MLIP: variants seen among roughly 807,000 people sequenced by gnomAD.
MLIP encodes muscular LMNA-interacting protein.
Under a neutral mutation model 84.8 loss-of-function variants are expected in MLIP, and 79 were observed. That is an observed-to-expected ratio of 0.93 (90% CI 0.78 to 1.12). The LOEUF is 1.12. Among genes scored for constraint, MLIP ranks in the 50% most tolerant of loss-of-function variants. MLIP has a pLI of 0.00. For synonymous variants in MLIP, 504 were observed against 463.0 expected (o/e 1.09, Z -1.14); for missense variants, 1,257 against 1,160.6 (o/e 1.08, Z -1.21).
chr6:54,041,647 T>C (rs994312216), intron 1 of MLIP, among the ~76,000 whole-genome samples: 1 of 152,138 alleles, frequency 6.6e-6, no homozygotes, highest in African/African-American at 2.4e-5. Flanking sequence ...CATCTCATCA[T>C]GGCTTGAACT....
At chr6:54,239,734 G>T (rs893658682) in intron 12 of MLIP, among the ~76,000 whole-genome samples, 2 of 151,734 alleles carry the variant, frequency 1.3e-5, no homozygotes, top group African/African-American at 4.8e-5. Flanking sequence ...TTGCAGTGAG[G>T]CAGGATTGCA....
intron 5 of MLIP, among the ~76,000 whole-genome samples, chr6:54,159,377 T>C (rs944398070): frequency 6.6e-6 from 1 of 152,104 alleles, no homozygotes; most frequent in Non-Finnish European, 1.5e-5. Flanking sequence ...GCTTGCCTTA[T>C]TCTGCTTCTG....
At chr6:54,166,327 T>TGAAAAAGTTA (rs1390371885) in intron 8 of MLIP, among the ~76,000 whole-genome samples, 20 of 152,052 alleles carry the variant, frequency 1.3e-4, no homozygotes, top group African/African-American at 4.8e-4. Flanking sequence ...GGGATGAATT[T>TGAAAAAGTTA]GAAAAAGTTA....
intron 10 of MLIP, among the ~76,000 whole-genome samples, chr6:54,197,607 G>C (rs554555320): frequency 1.3e-5 from 2 of 152,178 alleles, no homozygotes; most frequent in South Asian, 2.1e-4. Context: ...TGCTGGCTAT[G>C]AGAGTCATTA....
At chr6:54,141,291 T>A (rs141252260) in intron 4 of MLIP, among the ~76,000 whole-genome samples, 7 of 151,228 alleles carry the variant, frequency 4.6e-5, no homozygotes, top group Non-Finnish European at 7.4e-5. Flanking sequence ...AGGATGGGCA[T>A]CTGAATGCTG....
At position 54,202,156 on chromosome 6, in the gene MLIP, A is replaced by G; in HGVS notation, c.2641A>G (p.Lys881Glu). 1 of 1,603,816 alleles carries G rather than the reference A, an allele frequency of 6.2e-7. No individual in the cohort carries two copies. Among genetic ancestry groups the G allele is most frequent in the Non-Finnish European group, 8.5e-7 (1 of 1,174,036 alleles). ...PVPVKSRILLKKEEEVYEPNP... is the reference protein window; with the variant it reads ...PVPVKSRILLEKEEEVYEPNP... ...ACCTGTAAAATCCAGAATATTACTG[A>G]AAAAAGAGGAGGAAGTCTATGAACC... The change falls in exon 11 of 14, where the codon AAA becomes GAA. Residue 881 changes from lysine (K) to glutamate (E), a missense_variant. By Grantham distance (56) the Lys-to-Glu change is moderately conservative. Transcript: ENST00000502396.
At chr6:54,084,016 A>G (rs1767330023) in intron 1 of MLIP, among the ~76,000 whole-genome samples, 1 of 152,180 alleles carries the variant, frequency 6.6e-6, no homozygotes, top group African/African-American at 2.4e-5. Context: ...GAATGTAAAA[A>G]TGTATCATGA....
At chr6:54,100,849 C>A (rs1448869084) in intron 1 of MLIP, among the ~76,000 whole-genome samples, 4 of 152,104 alleles carry the variant, frequency 2.6e-5, no homozygotes, top group African/African-American at 9.7e-5. Context: ...ACTGTGAAAA[C>A]ACATTGGCAA....
intron 10 of MLIP, among the ~76,000 whole-genome samples, chr6:54,199,735 C>A (rs1778544344): frequency 6.6e-6 from 1 of 152,116 alleles, no homozygotes; most frequent in South Asian, 2.1e-4. Flanking sequence ...GTGTAGTCGT[C>A]TTTTGCCTAG....
intron 8 of MLIP, among the ~76,000 whole-genome samples, chr6:54,165,218 C>G (rs962330107): frequency 5.3e-5 from 8 of 151,842 alleles, no homozygotes; most frequent in African/African-American, 1.9e-4. Context: ...GGGAGAAGCG[C>G]CATAGTATCA....
chr6:54,242,479 T>A (rs1781803483), intron 12 of MLIP, among the ~76,000 whole-genome samples: 1 of 152,154 alleles, frequency 6.6e-6, no homozygotes, highest in African/African-American at 2.4e-5. Context: ...AGTCATATAT[T>A]CAAGCATGGG....
chr6:54,165,611 A>G (rs1775097355), intron 8 of MLIP, among the ~76,000 whole-genome samples: 1 of 152,008 alleles, frequency 6.6e-6, no homozygotes, highest in South Asian at 2.1e-4. Flanking sequence ...TTTGGCCGTT[A>G]AAAGGAAAAG....
At chr6:54,028,995 A>G (rs773060045) in intron 1 of MLIP, 1 of 151,966 alleles carries the variant, frequency 6.6e-6, no homozygotes, top group Non-Finnish European at 1.5e-5. Flanking sequence ...CAGGTCTCTT[A>G]TTTTTGTGGG....
In MLIP at chr6:54,124,491, T is replaced by C. The variant is rs1280654887; in HGVS notation, c.271T>C (p.Leu91=). Residue 91 remains leucine (L), a synonymous_variant, in exon 3 of 14, where the codon TTG becomes CTG. Coordinates refer to ENST00000502396, the MANE Select transcript of MLIP (RefSeq NM_001281747.2). ...ATTACAGTCTAAATCCAATGACTAC[T>C]TGACCTTGAATGCTGGGAGCCAACA... ...TVNRSKSNDY[L]TLNAGSQQER... is the part of the protein sequence containing the mutation. 2 of 1,613,898 alleles carry C rather than the reference T, an allele frequency of 1.2e-6. No individual in the cohort carries two copies. The highest frequency in any genetic ancestry group is 1.7e-6 in the Non-Finnish European group (2 of 1,179,878).
intron 1 of MLIP, among the ~76,000 whole-genome samples, chr6:54,032,039 A>G (rs760507305): frequency 4.6e-5 from 7 of 152,142 alleles, no homozygotes; most frequent in Non-Finnish European, 1.0e-4. Flanking sequence ...TCACAGAGCA[A>G]TGACAGAATT....
At chr6:54,215,155 G>A (rs1779765903) in intron 11 of MLIP, 1 of 1,535,530 alleles carries the variant, frequency 6.5e-7, no homozygotes, top group African/African-American at 1.4e-5. Context: ...ACATTCTGTG[G>A]ACTCCTACTG....
intron 3 of MLIP, among the ~76,000 whole-genome samples, chr6:54,130,258 G>T (rs527843927): frequency 1.3e-5 from 2 of 152,224 alleles, no homozygotes; most frequent in South Asian, 2.1e-4. Flanking sequence ...AAATCAAGTC[G>T]CTGTGACAAT....
At chr6:54,250,660 A>T (rs2150867245) in intron 12 of MLIP, among the ~76,000 whole-genome samples, 1 of 152,196 alleles carries the variant, frequency 6.6e-6, no homozygotes, top group East Asian at 1.9e-4. Flanking sequence ...CCTCATAGTA[A>T]TTCTCTGTCC....
chr6:54,122,220 C>A (rs1311883250), intron 2 of MLIP, among the ~76,000 whole-genome samples: 3 of 152,040 alleles, frequency 2.0e-5, no homozygotes, highest in Non-Finnish European at 4.4e-5. Flanking sequence ...TAATATCTAA[C>A]AATCAGAAAA....
Sources: gnomAD v4.1 joint callset for allele counts (sites outside exome capture counted in the v4.1 genomes callset) on GRCh38, gnomAD v4.1.1 for gene constraint, MANE v1.5 for transcripts, NCBI Gene and HGNC (gene_info 2026-07-23, HGNC 2026-07-21) for gene names.